The following RPS6KC1 variants were observed in gnomAD, a reference collection of about 807,000 sequenced individuals.
RPS6KC1 encodes inactive ribosomal protein S6 kinase delta-1.
RPS6KC1 carries 54 observed loss-of-function variants against 103.8 expected under a neutral mutation model. That is an observed-to-expected ratio of 0.52 (90% CI 0.42 to 0.65). The LOEUF (loss-of-function observed/expected upper bound fraction) is 0.65. Among genes scored for constraint, RPS6KC1 ranks in the 30% least tolerant of loss-of-function variants. The pLI is 0.00. For missense variants in RPS6KC1, 1,151 were observed against 1,253.8 expected (o/e 0.92, Z 1.24); for synonymous variants, 439 against 438.7 (o/e 1.00, Z -0.01).
chr1:213,496,012 A>G, the RPS6KC1 span, among the ~76,000 whole-genome samples: 10 of 152,210 alleles, frequency 6.6e-5, no homozygotes, highest in Non-Finnish European at 2.9e-5. Context: ...CTGACCTTAA[A>G]TTATGAGGAG....
the RPS6KC1 span, among the ~76,000 whole-genome samples, chr1:213,444,327 T>C: frequency 6.6e-6 from 1 of 151,562 alleles, no homozygotes; most frequent in African/African-American, 2.4e-5. Flanking sequence ...TTGTGGCAGG[T>C]GGGGGGCGGG....
chr1:213,718,902 G>T, the RPS6KC1 span, among the ~76,000 whole-genome samples: 1 of 152,196 alleles, frequency 6.6e-6, no homozygotes, highest in Non-Finnish European at 1.5e-5. Context: ...GGCTGCTGGT[G>T]CGTTGACTGC....
intron 7 of RPS6KC1, among the ~76,000 whole-genome samples, chr1:213,170,825 A>C (rs1312841307): frequency 1.3e-5 from 2 of 152,196 alleles, no homozygotes; most frequent in African/African-American, 4.8e-5. Flanking sequence ...AGCTTGGTGC[A>C]TTTATTATTT....
At chr1:213,151,803 G>A (rs1260134779) in intron 6 of RPS6KC1, among the ~76,000 whole-genome samples, 1 of 130,908 alleles carries the variant, frequency 7.6e-6, no homozygotes, top group Non-Finnish European at 1.6e-5. Context: ...CCTCCCTCCC[G>A]GACGGGGCAG....
the RPS6KC1 span, among the ~76,000 whole-genome samples, chr1:213,854,642 C>G: frequency 6.6e-6 from 1 of 150,806 alleles, no homozygotes; most frequent in Non-Finnish European, 1.5e-5. Flanking sequence ...TTTAATGGTA[C>G]TACTTTCCAG....
the RPS6KC1 span, among the ~76,000 whole-genome samples, chr1:213,847,346 G>C: frequency 1.3e-5 from 2 of 152,116 alleles, no homozygotes; most frequent in East Asian, 1.9e-4. Context: ...GACCCAGGAG[G>C]TTGCTTGTTG....
the RPS6KC1 span, among the ~76,000 whole-genome samples, chr1:213,533,425 T>C: frequency 6.6e-6 from 1 of 152,142 alleles, no homozygotes; most frequent in African/African-American, 2.4e-5. Context: ...GTACATATTA[T>C]TTTGTGCTAT....
chr1:213,134,750 A>G (rs1048990161), intron 6 of RPS6KC1, among the ~76,000 whole-genome samples: 2 of 152,156 alleles, frequency 1.3e-5, no homozygotes, highest in African/African-American at 4.8e-5. Context: ...TAATATGAAA[A>G]ACGTAGTAAG....
At chr1:213,667,806 C>T in the RPS6KC1 span, among the ~76,000 whole-genome samples, 1 of 152,174 alleles carries the variant, frequency 6.6e-6, no homozygotes, top group African/African-American at 2.4e-5. Context: ...TATTATAAAT[C>T]CTCTGTCATC....
chr1:213,725,413 G>A, the RPS6KC1 span, among the ~76,000 whole-genome samples: 1 of 152,196 alleles, frequency 6.6e-6, no homozygotes, highest in Non-Finnish European at 1.5e-5. Context: ...CTCTCAGGCC[G>A]CTCGGCAGCC....
intron 9 of RPS6KC1, among the ~76,000 whole-genome samples, chr1:213,230,799 C>T (rs575719912): frequency 5.7e-5 from 8 of 140,726 alleles, no homozygotes; most frequent in South Asian, 4.4e-4. Context: ...TGCACCATTG[C>T]ACTCCAGCCT....
rs920193078 is a variant in RPS6KC1 at position 213,272,811 on chromosome 1, A to T, written c.*177A>T. On this transcript the variant is annotated 3_prime_UTR_variant, in exon 15 of 15. Coordinates refer to ENST00000366960, the MANE Select transcript of RPS6KC1 (RefSeq NM_012424.6). ...AACAATTCGTTTACAATTACAAGAT[A>T]TTAGCTAATTGTGCCAGGGGCTGTT... 1 of 529,612 alleles carries T rather than the reference A, an allele frequency of 1.9e-6. No individual in the cohort carries two copies. The highest frequency in any genetic ancestry group is 1.9e-5 in the African/African-American group (1 of 52,100). The allele number at this position is 529,612 out of a possible 1,614,324, so 32.8% of individuals were successfully genotyped here.
chr1:213,481,527 G>A, the RPS6KC1 span, among the ~76,000 whole-genome samples: 8 of 152,230 alleles, frequency 5.3e-5, no homozygotes, highest in Middle Eastern at 3.4e-3. Flanking sequence ...TATGTTGGGT[G>A]TTCTTTATTG....
At chr1:213,827,151 A>C in the RPS6KC1 span, among the ~76,000 whole-genome samples, 1 of 152,116 alleles carries the variant, frequency 6.6e-6, no homozygotes, top group Non-Finnish European at 1.5e-5. Context: ...GAATGCAGAG[A>C]GCCGGGCATA....
At chr1:213,514,700 A>G in the RPS6KC1 span, among the ~76,000 whole-genome samples, 7 of 152,012 alleles carry the variant, frequency 4.6e-5, no homozygotes, top group South Asian at 8.3e-4. Flanking sequence ...ACGTGTGCAT[A>G]TGTCTTTATA....
intron 14 of RPS6KC1, among the ~76,000 whole-genome samples, chr1:213,271,488 G>A (rs527857346): frequency 1.1e-4 from 17 of 152,222 alleles, no homozygotes; most frequent in African/African-American, 2.4e-4. Flanking sequence ...CTAAAAGGCC[G>A]GGTGCGGTGG....
At chr1:213,299,637 TAA>T in the RPS6KC1 span, among the ~76,000 whole-genome samples, 1 of 150,196 alleles carries the variant, frequency 6.7e-6, no homozygotes, top group African/African-American at 2.4e-5. Context: ...TAAAAAGAAA[TAA>T]AGTTAATTTT....
At chr1:213,714,955 G>A in the RPS6KC1 span, among the ~76,000 whole-genome samples, 2 of 152,154 alleles carry the variant, frequency 1.3e-5, no homozygotes, top group Non-Finnish European at 2.9e-5. Context: ...AGGAGCAGGA[G>A]GGCAAGAGGG....
the RPS6KC1 span, among the ~76,000 whole-genome samples, chr1:213,385,724 G>T: frequency 1.3e-5 from 2 of 152,124 alleles, no homozygotes; most frequent in African/African-American, 4.8e-5. Flanking sequence ...ACCAGGACAG[G>T]TGCACTGAGT....
Sources: allele counts gnomAD v4.1 joint callset (sites outside exome capture counted in the v4.1 genomes callset), GRCh38; gene constraint gnomAD v4.1.1; transcripts MANE v1.5; gene names NCBI Gene and HGNC (gene_info 2026-07-23, HGNC 2026-07-21).